Variants in NUP93 observed in about 807,000 individuals in gnomAD.
The protein encoded by NUP93 is nuclear pore complex protein Nup93.
Under a neutral mutation model 107.8 loss-of-function variants are expected in NUP93, and 55 were observed. The ratio of observed to expected loss-of-function variants is 0.51; its 90% CI spans 0.41 to 0.64. The LOEUF (loss-of-function observed/expected upper bound fraction) is 0.64, where lower values mean the gene tolerates loss of function less well. Ranked by LOEUF, NUP93 falls within the 30% of genes least tolerant of loss-of-function variation. The pLI is 0.00. For missense variants in NUP93, 937 were observed against 1,044.7 expected (o/e 0.90, Z 1.42); for synonymous variants, 390 against 397.5 (o/e 0.98, Z 0.22).
intron 5 of NUP93, among the ~76,000 whole-genome samples, chr16:56,813,889 A>G (rs1468164210): frequency 6.6e-6 from 1 of 152,106 alleles, no homozygotes; most frequent in Non-Finnish European, 1.5e-5. Context: ...CATTTTGTCC[A>G]TGGTCACACA....
At chr16:56,822,819 A>G (rs765692900) in intron 7 of NUP93, among the ~76,000 whole-genome samples, 2 of 152,178 alleles carry the variant, frequency 1.3e-5, no homozygotes, top group African/African-American at 2.4e-5. Flanking sequence ...ATATAAGACA[A>G]TGTAAACAGA....
At chr16:56,762,371 G>T (rs1962142343) in intron 3 of NUP93, among the ~76,000 whole-genome samples, 4 of 152,148 alleles carry the variant, frequency 2.6e-5, no homozygotes, top group Admixed American at 6.5e-5. Context: ...AATGGGAGCT[G>T]CATTTTCCCA....
At chr16:56,834,532 T>G in intron 15 of NUP93, 90 bp downstream of exon 15, 2 of 1,391,358 alleles carry the variant, frequency 1.4e-6, no homozygotes, top group African/African-American at 1.4e-5. Context: ...TCAATATGGT[T>G]GTGGTGGATA....
intron 12 of NUP93, among the ~76,000 whole-genome samples, chr16:56,832,738 C>G (rs1262228635): frequency 6.7e-6 from 1 of 149,912 alleles, no homozygotes; most frequent in African/African-American, 2.5e-5. Flanking sequence ...GAGAAACAGC[C>G]TTTCTTCTTT....
In NUP93 at chr16:56,764,737, T is replaced by G. The variant is rs1224320681; in HGVS notation, c.297+6082T>G. Among the ~76,000 whole-genome samples, 3 of 152,188 alleles carry G rather than the reference T, an allele frequency of 2.0e-5. No homozygotes were observed. The East Asian group carries it at 5.8e-4, about 29-fold the overall frequency. ...AGAGGGTCAGATTTGCCTAGAATGA[T>G]TAATATGCGAATAGCTCTTCAGGAA... On this transcript the variant is annotated intron_variant, in intron 3 of 21. Coordinates refer to ENST00000308159, the MANE Select transcript of NUP93 (RefSeq NM_014669.5).
At chr16:56,756,641 T>C (rs1962029344) in intron 2 of NUP93, among the ~76,000 whole-genome samples, 1 of 152,150 alleles carries the variant, frequency 6.6e-6, no homozygotes, top group African/African-American at 2.4e-5. Flanking sequence ...TGATTTATAA[T>C]CCTTTGGTTA....
intron 3 of NUP93, among the ~76,000 whole-genome samples, chr16:56,795,251 CTTTG>C (rs1962871546): frequency 6.6e-6 from 1 of 152,116 alleles, no homozygotes; most frequent in South Asian, 2.1e-4. Context: ...AGTTTCATAG[CTTTG>C]TTTGTGAACC....
chr16:56,827,043 T>TAAAAAAAAAAA (rs1963676974), intron 8 of NUP93, among the ~76,000 whole-genome samples: 1 of 7,780 alleles, frequency 1.3e-4, no homozygotes, highest in African/African-American at 6.5e-4. Context: ...AGACTCCGTC[T>TAAAAAAAAAAA]CAAAAAAAAA....
In NUP93 at chr16:56,831,775, G is replaced by A. The variant is rs554889328; in HGVS notation, c.1086-67G>A. The A allele has an allele frequency of 8.5e-6, 13 of 1,522,776 alleles. No individual in the cohort carries two copies. The African/African-American group carries it at 1.2e-4, about 14-fold the overall frequency. The allele number at this position is 1,522,776 out of a possible 1,614,324, so 94.3% of individuals were successfully genotyped here. On this transcript the variant is annotated intron_variant, in intron 10 of 21. Transcript: ENST00000308159. ...CTTTTATGTGTTTGGGACCTGGGAC[G>A]CTTTCAGATGCCCTTGAGGATTTTT...
intron 6 of NUP93, among the ~76,000 whole-genome samples, chr16:56,820,273 A>G (rs1307771033): frequency 6.6e-6 from 1 of 152,224 alleles, no homozygotes; most frequent in Non-Finnish European, 1.5e-5. Flanking sequence ...CATTGAGTGA[A>G]TAAGTACTAC....
intron 1 of NUP93, among the ~76,000 whole-genome samples, chr16:56,739,695 G>A (rs1333071635): frequency 8.2e-4 from 104 of 126,428 alleles, no homozygotes; most frequent in African/African-American, 1.1e-3. Flanking sequence ...CCTCCCTCCC[G>A]GACGGGGCGG....
intron 8 of NUP93, among the ~76,000 whole-genome samples, chr16:56,825,843 G>C (rs1159081519): frequency 1.3e-5 from 2 of 152,124 alleles, no homozygotes; most frequent in Non-Finnish European, 2.9e-5. Flanking sequence ...TGTCACCTTT[G>C]ATAAAGGGGG....
chr16:56,771,128 T>A (rs1484305756), intron 3 of NUP93, among the ~76,000 whole-genome samples: 1 of 152,198 alleles, frequency 6.6e-6, no homozygotes, highest in African/African-American at 2.4e-5. Flanking sequence ...GACTTTGTCC[T>A]AATTTGGAAG....
intron 7 of NUP93, among the ~76,000 whole-genome samples, chr16:56,821,962 C>T (rs940121801): frequency 3.3e-5 from 5 of 150,716 alleles, no homozygotes; most frequent in African/African-American, 7.3e-5. Flanking sequence ...TGTGAGCCCT[C>T]GAACTTGACT....
At chr16:56,839,195 A>C (rs1451590409) in intron 19 of NUP93, 126 bp downstream of exon 19, 8 of 590,782 alleles carry the variant, frequency 1.4e-5, no homozygotes, top group Middle Eastern at 4.6e-4. Context: ...AAGAAAGACA[A>C]GTACAATCCT....
intron 1 of NUP93, among the ~76,000 whole-genome samples, chr16:56,737,695 G>A (rs1217411328): frequency 6.6e-6 from 1 of 151,308 alleles, no homozygotes; most frequent in Admixed American, 6.6e-5. Context: ...CATGTTCTGT[G>A]TAGTCTGTAG....
intron 3 of NUP93, among the ~76,000 whole-genome samples, chr16:56,761,543 T>C (rs1387907154): frequency 1.6e-5 from 2 of 126,282 alleles, no homozygotes; most frequent in African/African-American, 6.0e-5. Flanking sequence ...AATTGAACTT[T>C]TGTTTTTCAA....
chr16:56,834,338 A>G, intron 14 of NUP93, 32 bp from the exon 15 acceptor site: 1 of 1,614,064 alleles, frequency 6.2e-7, no homozygotes, highest in East Asian at 2.2e-5. Flanking sequence ...TCATGTCCAG[A>G]CTGGAAACTG....
intron 5 of NUP93, among the ~76,000 whole-genome samples, chr16:56,814,873 T>A (rs938572992): frequency 6.6e-6 from 1 of 152,178 alleles, no homozygotes; most frequent in African/African-American, 2.4e-5. Flanking sequence ...ACCCCAGAGA[T>A]TGGTGGCTTT....
Sources: allele counts gnomAD v4.1 joint callset (sites outside exome capture counted in the v4.1 genomes callset), GRCh38; gene constraint gnomAD v4.1.1; transcripts MANE v1.5; gene names NCBI Gene and HGNC (gene_info 2026-07-23, HGNC 2026-07-21).